PAPOLA: variants seen among roughly 807,000 people sequenced by gnomAD.
The protein encoded by PAPOLA is polynucleotide adenylyltransferase alpha.
In PAPOLA, 15 loss-of-function variants were observed where a neutral mutation model predicts 100.6. The ratio of observed to expected loss-of-function variants is 0.15; its 90% confidence interval spans 0.10 to 0.23. The LOEUF is 0.23. PAPOLA is among the 10% of genes least tolerant of loss of function. PAPOLA has a pLI of 1.00. For missense variants in PAPOLA, 533 were observed against 884.2 expected (o/e 0.60, Z 5.04); for synonymous variants, 293 against 300.0 (o/e 0.98, Z 0.24).
At chr14:96,554,067 G>A (rs911509248) in intron 17 of PAPOLA, among the ~76,000 whole-genome samples, 1 of 152,178 alleles carries the variant, frequency 6.6e-6, no homozygotes, top group Non-Finnish European at 1.5e-5. Context: ...ATCTGTGAAA[G>A]TCTGTGTCCT....
At chr14:96,508,357 T>G (rs1278225461) in intron 1 of PAPOLA, among the ~76,000 whole-genome samples, 3 of 152,222 alleles carry the variant, frequency 2.0e-5, no homozygotes, top group African/African-American at 7.2e-5. Flanking sequence ...TTTGGAGTTT[T>G]TGTAGTGAAT....
At chr14:96,523,948 A>C (rs998175414) in intron 3 of PAPOLA, among the ~76,000 whole-genome samples, 3 of 135,542 alleles carry the variant, frequency 2.2e-5, no homozygotes, top group Non-Finnish European at 5.0e-5. Context: ...TGTCTCAGAA[A>C]AAAAAAAAAA....
chr14:96,564,926 A>G (rs1275280904), intron 21 of PAPOLA, 29 bp from the exon 22 acceptor site: 1 of 1,110,868 alleles, frequency 9.0e-7, no homozygotes, highest in South Asian at 1.2e-5. Context: ...TGCTTTGAAC[A>G]ATGTTGTGTT....
At chr14:96,503,243 C>T in intron 1 of PAPOLA, among the ~76,000 whole-genome samples, 1 of 152,244 alleles carries the variant, frequency 6.6e-6, no homozygotes, top group East Asian at 1.9e-4. Context: ...GAAGGGGGCA[C>T]TTCACAGGGT....
At position 96,566,968 on chromosome 14, in the gene PAPOLA, GC is replaced by G. The variant is rs1902319385; in HGVS notation, c.*1919del. 6.6e-6 allele frequency: 1 copy of G among 152,460 alleles called. No homozygotes were observed. The highest frequency in any genetic ancestry group is 1.5e-5 in the Non-Finnish European group (1 of 67,972). The allele number at this position is 152,460 out of a possible 1,614,324, so 9.4% of individuals were successfully genotyped here. On this transcript the variant is annotated 3_prime_UTR_variant, in exon 22 of 22. Transcript: ENST00000216277. ...TTCATAACCTGGAGATCAGACTGTT[GC>G]TTTCGCATGATGTATGTAGTGTCTC...
chr14:96,532,259 T>C, intron 7 of PAPOLA, 72 bp from the exon 8 acceptor site: 2 of 1,487,930 alleles, frequency 1.3e-6, no homozygotes, highest in Admixed American at 2.6e-5. Flanking sequence ...TGATTTAATG[T>C]TGTTTTTTTT....
chr14:96,513,332 G>GTGA (rs1160799270), intron 1 of PAPOLA, among the ~76,000 whole-genome samples: 2 of 152,186 alleles, frequency 1.3e-5, no homozygotes, highest in Non-Finnish European at 1.5e-5. Flanking sequence ...GCCTCCCAAA[G>GTGA]TGACGGGATT....
At chr14:96,562,429 T>G (rs1246322666) in intron 20 of PAPOLA, 2 of 151,938 alleles carry the variant, frequency 1.3e-5, no homozygotes, top group Non-Finnish European at 2.9e-5. Context: ...TGAATAAGTT[T>G]TTTTTTTTTT....
intron 1 of PAPOLA, among the ~76,000 whole-genome samples, chr14:96,513,196 T>G (rs1016155984): frequency 6.6e-6 from 1 of 152,084 alleles, no homozygotes; most frequent in Non-Finnish European, 1.5e-5. Context: ...TCTGAGTAGC[T>G]GGGACTACAC....
chr14:96,535,479 CTTAAG>C, intron 10 of PAPOLA: 1 of 985,044 alleles, frequency 1.0e-6, no homozygotes, highest in Non-Finnish European at 1.2e-6. Context: ...ATATTAAGAA[CTTAAG>C]TTTCTATCTT....
At chr14:96,542,318 A>G in intron 13 of PAPOLA, 22 bp downstream of exon 13, 2 of 1,522,034 alleles carry the variant, frequency 1.3e-6, no homozygotes, top group Non-Finnish European at 1.8e-6. Flanking sequence ...AATAGACTTT[A>G]CAGAAAAAGC....
At chr14:96,541,110 C>T (rs993551794) in intron 12 of PAPOLA, among the ~76,000 whole-genome samples, 1 of 152,080 alleles carries the variant, frequency 6.6e-6, no homozygotes, top group Non-Finnish European at 1.5e-5. Flanking sequence ...AGGATGGTCT[C>T]ATCTCCTGAC....
chr14:96,524,515 C>G (rs558798364), intron 3 of PAPOLA, among the ~76,000 whole-genome samples: 54 of 152,058 alleles, frequency 3.6e-4, no homozygotes, highest in African/African-American at 1.2e-3. Flanking sequence ...CCTTCTTCCC[C>G]TCTTCCCCTT....
chr14:96,504,865 A>G (rs760588830), intron 1 of PAPOLA, among the ~76,000 whole-genome samples: 8 of 152,196 alleles, frequency 5.3e-5, no homozygotes, highest in South Asian at 4.2e-4. Flanking sequence ...TTTCCCGGCT[A>G]TATTGTGTTT....
chr14:96,523,631 G>T (rs567522564), intron 3 of PAPOLA, among the ~76,000 whole-genome samples: 2 of 152,262 alleles, frequency 1.3e-5, no homozygotes, highest in South Asian at 2.1e-4. Flanking sequence ...GGAAGACAAA[G>T]GCTTTGCTTA....
At chr14:96,562,443 T>A (rs998964704) in intron 20 of PAPOLA, 1 of 152,474 alleles carries the variant, frequency 6.6e-6, no homozygotes, top group Non-Finnish European at 1.5e-5. Context: ...TTTTTTTTTT[T>A]CCTCCCACAA....
In PAPOLA at chr14:96,527,886, G is replaced by A. The variant is rs559123654; in HGVS notation, c.442-67G>A. The A allele has an allele frequency of 1.5e-4, 157 of 1,062,894 alleles. No individual in the cohort carries two copies. The African/African-American group carries it at 2.1e-3, about 14-fold the overall frequency. 65.8% of individuals were successfully genotyped at this position (1,062,894 alleles called of 1,614,324 possible). The stretch of plus-strand genomic sequence containing the variant: ...TTTTTGTGTCAGGTGTTTTGCTAAA[G>A]TACTAAAACTAGTAGAGGCTTAAAA... On this transcript the variant is annotated intron_variant, in intron 5 of 21. Transcript: ENST00000216277.
chr14:96,558,550 G>A (rs565769755), intron 19 of PAPOLA, among the ~76,000 whole-genome samples: 2 of 152,106 alleles, frequency 1.3e-5, no homozygotes, highest in African/African-American at 4.8e-5. Context: ...GTTTAGAAAA[G>A]CAATAAGAAT....
Position 96,566,900 on chromosome 14 carries a change from G to A in PAPOLA, c.*1850G>A, listed in dbSNP as rs888479928. On this transcript the variant is annotated 3_prime_UTR_variant, in exon 22 of 22. Transcript: ENST00000216277. ...ACTGCACCCAAGTTTTGCCAAGCTGGAAACTTGGACCTTTTCTGTGTAGTG... is the reference window on the plus strand; with the variant it reads ...ACTGCACCCAAGTTTTGCCAAGCTGAAAACTTGGACCTTTTCTGTGTAGTG... The A allele has an allele frequency of 1.6e-4, 25 of 152,558 alleles. No homozygotes were observed. The highest frequency in any genetic ancestry group is 6.0e-4 in the African/African-American group (25 of 41,436). The allele number at this position is 152,558 out of a possible 1,614,324, so 9.5% of individuals were successfully genotyped here. A position where few individuals can be genotyped will look rare whatever the true frequency, so the allele number is the denominator to read the frequency against.
Sources: allele counts gnomAD v4.1 joint callset (sites outside exome capture counted in the v4.1 genomes callset), GRCh38; gene constraint gnomAD v4.1.1; transcripts MANE v1.5; gene names NCBI Gene and HGNC (gene_info 2026-07-23, HGNC 2026-07-21).